PRIMA1: variants seen among roughly 807,000 people sequenced by gnomAD.
PRIMA1 encodes the protein proline rich membrane anchor 1.
In PRIMA1, 7 loss-of-function variants were observed where a neutral mutation model predicts 17.5. That is an observed-to-expected ratio of 0.40 (90% CI 0.23 to 0.75). PRIMA1 has a LOEUF of 0.75. Ranked by LOEUF, PRIMA1 falls within the 30% of genes least tolerant of loss-of-function variation. PRIMA1 has a pLI of 0.37. For missense variants in PRIMA1, 200 were observed against 201.8 expected, an observed-to-expected ratio of 0.99 and a Z score of 0.05; for synonymous variants, 97 against 77.9, an observed-to-expected ratio of 1.25 and a Z score of -1.29.
At chr14:93,773,589 G>A (rs1480643228) in intron 3 of PRIMA1, among the ~76,000 whole-genome samples, 1 of 152,226 alleles carries the variant, frequency 6.6e-6, no homozygotes, top group Non-Finnish European at 1.5e-5. Flanking sequence ...GTTGTGGGCA[G>A]AGCCTGAAAA....
At chr14:93,761,143 C>T (rs1445951028) in intron 3 of PRIMA1, among the ~76,000 whole-genome samples, 3 of 151,838 alleles carry the variant, frequency 2.0e-5, no homozygotes, top group African/African-American at 4.8e-5. Flanking sequence ...GCTAGGAGCT[C>T]GACATCAGTC....
intron 4 of PRIMA1, among the ~76,000 whole-genome samples, chr14:93,730,692 C>G (rs1365321874): frequency 6.6e-6 from 1 of 152,208 alleles, no homozygotes; most frequent in Non-Finnish European, 1.5e-5. Context: ...ATATGCCACA[C>G]ATTCAGTAAG....
intron 3 of PRIMA1, among the ~76,000 whole-genome samples, chr14:93,774,696 G>A (rs1323252242): frequency 1.3e-5 from 2 of 152,134 alleles, no homozygotes; most frequent in African/African-American, 4.8e-5. Context: ...TGCCCCTTTT[G>A]TAATTACGTA....
chr14:93,764,551 A>C (rs1448124161), intron 3 of PRIMA1, among the ~76,000 whole-genome samples: 1 of 152,002 alleles, frequency 6.6e-6, no homozygotes, highest in African/African-American at 2.4e-5. Context: ...CGTCATCCTC[A>C]GTCTGTGACC....
intron 3 of PRIMA1, among the ~76,000 whole-genome samples, chr14:93,756,325 AGGCTGT>A (rs2076290242): frequency 1.4e-4 from 21 of 152,206 alleles, no homozygotes; most frequent in Admixed American, 4.6e-4. Flanking sequence ...GCAGTGGCCC[AGGCTGT>A]GGCCTCAGAC....
At chr14:93,788,230 A>G (rs1318243464) in intron 1 of PRIMA1, among the ~76,000 whole-genome samples, 180 bp downstream of exon 1, 1 of 152,148 alleles carries the variant, frequency 6.6e-6, no homozygotes, top group Non-Finnish European at 1.5e-5. Context: ...CACGGCCCCA[A>G]GAAATCTCAC....
chr14:93,757,386 G>C (rs930340935), intron 3 of PRIMA1, among the ~76,000 whole-genome samples: 1 of 152,374 alleles, frequency 6.6e-6, no homozygotes, highest in East Asian at 1.9e-4. Context: ...CTATGGACAC[G>C]TCAGAGCCGG....
At chr14:93,742,143 A>C (rs936370281) in intron 3 of PRIMA1, among the ~76,000 whole-genome samples, 5 of 152,202 alleles carry the variant, frequency 3.3e-5, no homozygotes, top group Non-Finnish European at 7.3e-5. Context: ...ACATCCAAAA[A>C]CCATACCAAA....
At chr14:93,774,666 CT>C (rs931777184) in intron 3 of PRIMA1, among the ~76,000 whole-genome samples, 1 of 152,218 alleles carries the variant, frequency 6.6e-6, no homozygotes, top group Non-Finnish European at 1.5e-5. Context: ...TCTCCCACGT[CT>C]TCCCAAATCC....
chr14:93,786,854 A>G (rs1273221830), intron 2 of PRIMA1, among the ~76,000 whole-genome samples: 1 of 152,234 alleles, frequency 6.6e-6, no homozygotes, highest in African/African-American at 2.4e-5. Context: ...TATCTCATCA[A>G]GTACTTACAA....
At chr14:93,748,726 C>T (rs528662334) in intron 3 of PRIMA1, among the ~76,000 whole-genome samples, 1 of 152,250 alleles carries the variant, frequency 6.6e-6, no homozygotes, top group Non-Finnish European at 1.5e-5. Context: ...GTGCTCTGTG[C>T]GCGGAGCCCA....
At chr14:93,771,723 G>T (rs1415875255) in intron 3 of PRIMA1, among the ~76,000 whole-genome samples, 1 of 152,224 alleles carries the variant, frequency 6.6e-6, no homozygotes, top group African/African-American at 2.4e-5. Flanking sequence ...TCTTCCTGAA[G>T]AAAGAAAGGA....
intron 3 of PRIMA1, among the ~76,000 whole-genome samples, chr14:93,768,151 G>C (rs1343844098): frequency 6.6e-6 from 1 of 151,794 alleles, no homozygotes; most frequent in African/African-American, 2.4e-5. Context: ...GCCTGGATGC[G>C]GCCTCTTGAA....
At chr14:93,772,319 A>G (rs892634196) in intron 3 of PRIMA1, among the ~76,000 whole-genome samples, 3 of 152,374 alleles carry the variant, frequency 2.0e-5, no homozygotes, top group Non-Finnish European at 2.9e-5. Context: ...AAATGCCCCA[A>G]TAAAATCTCT....
At position 93,765,334 on chromosome 14, in the gene PRIMA1, C is replaced by T. The variant is rs185969554; in HGVS notation, c.229+13842G>A. Among the ~76,000 whole-genome samples the T allele has an allele frequency of 2.3e-4, 35 of 151,636 alleles. 1 individual carries two copies. In the East Asian group the frequency reaches 5.6e-3, roughly 24 times the overall value. ...CACTTTCCATGTGTCCAGCCCTGTG[C>T]TGCCGCTGAGGACACAGAGGCATAA... On this transcript the variant is annotated intron_variant, in intron 3 of 4. Transcript: ENST00000393140.
intron 3 of PRIMA1, among the ~76,000 whole-genome samples, chr14:93,765,960 T>C (rs1884883424): frequency 1.3e-5 from 2 of 152,180 alleles, no homozygotes; most frequent in Admixed American, 6.5e-5. Context: ...ATATATAAAA[T>C]GAGGGTAGTG....
Position 93,726,104 on chromosome 14 carries a change from C to T in PRIMA1, c.360-4558G>A, listed in dbSNP as rs1191188431. On this transcript the variant is annotated intron_variant, in intron 4 of 4. Coordinates refer to ENST00000393140, the MANE Select transcript of PRIMA1 (RefSeq NM_178013.4). The surrounding 1 kb of genome is among the most constrained non-coding windows in gnomAD (Gnocchi z 4.2). ...CTCTGCCACCTTCAGACTTCTTGTC[C>T]CCTGCCCTGGGCTTGGAGGGCAGCA... is the stretch of plus-strand genomic sequence containing the variant. 2.2e-6 allele frequency: 1 copy of T among 454,988 alleles called. No homozygotes were observed. Among genetic ancestry groups the T allele is most frequent in the Non-Finnish European group, 4.4e-6 (1 of 226,354 alleles). 28.2% of individuals were successfully genotyped at this position (454,988 alleles called of 1,614,324 possible).
intron 3 of PRIMA1, among the ~76,000 whole-genome samples, chr14:93,757,199 AAAGGAAGG>A (rs113474280): frequency 1.1e-4 from 16 of 150,984 alleles, no homozygotes; most frequent in Admixed American, 2.0e-4. Context: ...GGGTTTAAAA[AAAGGAAGG>A]AAGGAAGGAA....
At position 93,733,490 on chromosome 14, in the gene PRIMA1, C is replaced by T. The variant is rs563019456; in HGVS notation, c.359+3751G>A. The stretch of plus-strand genomic sequence containing the variant: ...AGCCCTCGGTGCCGCCCGTCCCTGC[C>T]GAGGCCCGTGTCCCGGCAGCTGACA... On this transcript the variant is annotated intron_variant, in intron 4 of 4. Coordinates refer to ENST00000393140, the MANE Select transcript of PRIMA1 (RefSeq NM_178013.4). Among the ~76,000 whole-genome samples, 280 of 152,182 alleles carry T rather than the reference C, an allele frequency of 1.8e-3. 1 individual carries two copies. Among genetic ancestry groups the T allele is most frequent in the African/African-American group, 6.4e-3 (265 of 41,500 alleles).
Sources: allele counts gnomAD v4.1 joint callset (sites outside exome capture counted in the v4.1 genomes callset), GRCh38; gene constraint gnomAD v4.1.1; non-coding constraint Gnocchi (gnomAD v3.1); transcripts MANE v1.5; gene names NCBI Gene and HGNC (gene_info 2026-07-23, HGNC 2026-07-21).